Variants in CEP95 observed in about 807,000 individuals in gnomAD.
The protein encoded by CEP95 is centrosomal protein of 95 kDa.
In CEP95, 98 loss-of-function variants were observed where a neutral mutation model predicts 111.2. The observed-to-expected ratio is 0.88, with a 90% CI of 0.75 to 1.04. CEP95 has a LOEUF of 1.04. CEP95 is among the 50% of genes least tolerant of loss of function. The probability of loss-of-function intolerance (pLI) is 0.00; values close to 1 mark genes in which losing one functional copy is unlikely to be tolerated. For missense variants in CEP95, 1,027 were observed against 977.2 expected, an observed-to-expected ratio of 1.05 and a Z score of -0.68; for synonymous variants, 323 against 327.1, an observed-to-expected ratio of 0.99 and a Z score of 0.14.
At position 64,536,437 on chromosome 17, in the gene CEP95, A is replaced by G. The variant is rs544726949; in HGVS notation, c.2071-165A>G. ...ACACTCCAGCCTGGGTGACAGAGCA[A>G]TAACCTGTCTCAGAAAAAGGAGGTA... On this transcript the variant is annotated intron_variant, in intron 17 of 19. Transcript: ENST00000556440. 131 of 497,384 alleles carry G rather than the reference A, an allele frequency of 2.6e-4. 1 individual carries two copies. Among genetic ancestry groups the G allele is most frequent in the African/African-American group, 1.9e-3 (95 of 49,880 alleles). 30.8% of individuals were successfully genotyped at this position (497,384 alleles called of 1,614,324 possible). A position where few individuals can be genotyped will look rare whatever the true frequency, so the allele number is the denominator to read the frequency against.
At position 64,537,668 on chromosome 17, in the gene CEP95, CATG is replaced by C. The variant is rs782541592; in HGVS notation, c.2358_2360del (p.Met786del). 28 of 1,613,092 alleles carry C rather than the reference CATG, an allele frequency of 1.7e-5. 2 individuals carry two copies. In the South Asian group the frequency reaches 2.8e-4, roughly 16 times the overall value. The stretch of plus-strand genomic sequence containing the variant: ...AGAAGGAAATTCAGCAGCTGCAGGA[CATG>C]ATAACACAGAATGATGATGATGTTT... On this transcript the variant is annotated inframe_deletion, in exon 20 of 20. Transcript: ENST00000556440.
intron 15 of CEP95, 28 bp from the exon 16 acceptor site, chr17:64,533,089 C>G (rs782152905): frequency 6.2e-7 from 1 of 1,605,958 alleles, no homozygotes; most frequent in East Asian, 2.2e-5. Flanking sequence ...GCATTATTAA[C>G]CTACTTAACT....
intron 8 of CEP95, among the ~76,000 whole-genome samples, chr17:64,524,383 A>T (rs943917997): frequency 6.6e-6 from 1 of 152,114 alleles, no homozygotes. Context: ...GTCTGCACCC[A>T]CTGCAACCTC....
At chr17:64,506,930 A>G (rs894857139), upstream of CEP95, 44 of 766,980 alleles carry the variant, frequency 5.7e-5, no homozygotes, top group African/African-American at 1.4e-4. Context: ...CTGATGACCA[A>G]TCAGCGGCGA....
At position 64,507,329 on chromosome 17, in the gene CEP95, G is replaced by C. The variant is rs1009047946; in HGVS notation, c.19+213G>C. 70 of 1,438,114 alleles carry C rather than the reference G, an allele frequency of 4.9e-5. 1 individual carries two copies. Among genetic ancestry groups the C allele is most frequent in the African/African-American group, 1.2e-4 (8 of 69,398 alleles). 89.1% of individuals were successfully genotyped at this position (1,438,114 alleles called of 1,614,324 possible). On this transcript the variant is annotated intron_variant, in intron 1 of 19. Transcript: ENST00000556440. ...ACAGCAGTATGCTGTGGGAGAGAGA[G>C]AGGCACTGGGGCGAGGCCGGTAGGA...
chr17:64,534,745 T>C lies in CEP95; in HGVS notation c.2070+8T>C, dbSNP rs1047586352. ...AGGACCCGGGAAGAAATGGTAAGTC[T>C]GACTTTTCTGTCCAGCCCTGTTAAG... On this transcript the variant is annotated splice_region_variant and intron_variant, in intron 17 of 19. Coordinates refer to ENST00000556440, the MANE Select transcript of CEP95 (RefSeq NM_138363.3). 1 of 1,607,768 alleles carries C rather than the reference T, an allele frequency of 6.2e-7. No homozygotes were observed. The highest frequency in any genetic ancestry group is 8.5e-7 in the Non-Finnish European group (1 of 1,176,786).
At chr17:64,506,950 T>C (rs2038564998), upstream of CEP95, 1 of 856,076 alleles carries the variant, frequency 1.2e-6, no homozygotes. Flanking sequence ...AGAAGCTCTT[T>C]TAACGTCCGT....
rs188105067 is a variant in CEP95 at position 64,511,247 on chromosome 17, C to T, written c.256+967C>T. On this transcript the variant is annotated intron_variant, in intron 3 of 19. Transcript: ENST00000556440. Reference sequence around the variant, plus strand: ...CAGGAGACAGGGTTTTGAGAGCAACCTGTCTGACCAAAATTTATTAGGCGG... The same window carrying T: ...CAGGAGACAGGGTTTTGAGAGCAACTTGTCTGACCAAAATTTATTAGGCGG... Among the ~76,000 whole-genome samples the T allele has an allele frequency of 3.3e-5, 5 of 152,270 alleles. No homozygotes were observed. In the East Asian group the frequency reaches 9.7e-4, roughly 29 times the overall value.
At chr17:64,533,056 T>A (rs781961052) in intron 15 of CEP95, 48 bp downstream of exon 15, 1 of 1,605,098 alleles carries the variant, frequency 6.2e-7, no homozygotes, top group Non-Finnish European at 8.5e-7. Flanking sequence ...GAGAAGAGCT[T>A]ATCCTTAAGA....
rs369695526 is a variant in CEP95 at position 64,536,764 on chromosome 17, T to G, written c.2217+16T>G. ...TAAGGACCAGGTGGGCTCCTGGCAC[T>G]TGCTTACGCTGTTGTGCTTAGTCCT... On this transcript the variant is annotated intron_variant, in intron 18 of 19. Coordinates refer to ENST00000556440, the MANE Select transcript of CEP95 (RefSeq NM_138363.3). 139 of 1,589,492 alleles carry G rather than the reference T, an allele frequency of 8.7e-5. No homozygotes were observed. The highest frequency in any genetic ancestry group is 1.2e-4 in the Non-Finnish European group (136 of 1,173,276).
intron 14 of CEP95, chr17:64,532,518 C>G (rs569849035): frequency 1.0e-5 from 10 of 985,270 alleles, no homozygotes; most frequent in African/African-American, 1.7e-5. Flanking sequence ...CTTCTAAGCA[C>G]TTGCCTACCG....
chr17:64,526,450 G>A (rs1292740182), intron 10 of CEP95, among the ~76,000 whole-genome samples: 1 of 152,120 alleles, frequency 6.6e-6, no homozygotes, highest in East Asian at 1.9e-4. Flanking sequence ...TAACATAAAC[G>A]ATTATGTTAA....
intron 7 of CEP95, among the ~76,000 whole-genome samples, chr17:64,522,437 T>C (rs1598213207): frequency 6.6e-6 from 1 of 151,700 alleles, no homozygotes; most frequent in South Asian, 2.1e-4. Context: ...AGCCCAGGAG[T>C]TGGAGACCAG....
At chr17:64,517,927 T>C (rs1178017488) in intron 5 of CEP95, among the ~76,000 whole-genome samples, 1 of 151,956 alleles carries the variant, frequency 6.6e-6, no homozygotes, top group Non-Finnish European at 1.5e-5. Context: ...CAGGCTGGAG[T>C]GTGCAGTGGC....
At chr17:64,532,196 A>T in intron 14 of CEP95, 174 bp downstream of exon 14, 1 of 1,292,562 alleles carries the variant, frequency 7.7e-7, no homozygotes, top group Non-Finnish European at 9.8e-7. Flanking sequence ...AAACTCTTCA[A>T]TAAGGAAGTA....
rs782086799 is a variant in CEP95 at position 64,527,282 on chromosome 17, A to T, written c.1306+18A>T. On this transcript the variant is annotated intron_variant, in intron 11 of 19. Coordinates refer to ENST00000556440, the MANE Select transcript of CEP95 (RefSeq NM_138363.3). The stretch of plus-strand genomic sequence containing the variant: ...AAGGCCAGGTACTTACCCCAGAGAG[A>T]CTGAGAAGGGGGACATCCATGTGAA... 6.3e-7 allele frequency: 1 copy of T among 1,583,358 alleles called. No homozygotes were observed. Among genetic ancestry groups the T allele is most frequent in the Admixed American group, 1.8e-5 (1 of 55,092 alleles).
chr17:64,522,657 T>A, intron 7 of CEP95, 45 bp from the exon 8 acceptor site: 1 of 1,415,616 alleles, frequency 7.1e-7, no homozygotes, highest in Non-Finnish European at 9.8e-7. Context: ...AATGGTTTAT[T>A]TCTTAGAATT....
At chr17:64,512,069 C>T (rs1304673516) in intron 3 of CEP95, among the ~76,000 whole-genome samples, 1 of 152,202 alleles carries the variant, frequency 6.6e-6, no homozygotes. Flanking sequence ...TGCTCTGTGG[C>T]TGTAAAAGAT....
chr17:64,510,326 AT>A, intron 3 of CEP95, 46 bp downstream of exon 3: 1 of 1,170,074 alleles, frequency 8.5e-7, no homozygotes, highest in Non-Finnish European at 1.3e-6. Flanking sequence ...TTTAGTAAAA[AT>A]AATTGTTAGA....
Sources: gnomAD v4.1 joint callset for allele counts (sites outside exome capture counted in the v4.1 genomes callset) on GRCh38, gnomAD v4.1.1 for gene constraint, MANE v1.5 for transcripts, NCBI Gene and HGNC (gene_info 2026-07-23, HGNC 2026-07-21) for gene names.